The following SPAG16 variants were observed in gnomAD, a reference collection of about 807,000 sequenced individuals.
SPAG16 encodes sperm-associated antigen 16 protein.
Under a neutral mutation model 80.4 loss-of-function variants are expected in SPAG16, and 86 were observed. The observed-to-expected ratio is 1.07, with a 90% CI of 0.90 to 1.28. SPAG16 has a LOEUF of 1.28. Ranked by LOEUF, SPAG16 falls within the 50% of genes most tolerant of loss-of-function variation. The pLI, the probability that SPAG16 is intolerant of heterozygous loss-of-function variation, is 0.00. For synonymous variants in SPAG16, 294 were observed against 265.9 expected, an observed-to-expected ratio of 1.11 and a Z score of -1.03; for missense variants, 870 against 765.3, an observed-to-expected ratio of 1.14 and a Z score of -1.61.
At chr2:214,037,680 A>G (rs911451454) in intron 13 of SPAG16, among the ~76,000 whole-genome samples, 1 of 152,086 alleles carries the variant, frequency 6.6e-6, no homozygotes, top group Non-Finnish European at 1.5e-5. Context: ...TTTGCTTTAT[A>G]AAAGTGTCTA....
chr2:213,426,754 GGTGTGTGTGTGTGTGTGT>G (rs148203065), intron 9 of SPAG16, among the ~76,000 whole-genome samples: 1 of 140,634 alleles, frequency 7.1e-6, no homozygotes, highest in Non-Finnish European at 1.6e-5. Context: ...GCATAAATCT[GGTGTGTGTGTGTGTGTGT>G]GTGTGTGTGT....
intron 10 of SPAG16, among the ~76,000 whole-genome samples, chr2:213,541,347 G>A (rs532328212): frequency 6.6e-6 from 1 of 152,290 alleles, no homozygotes; most frequent in East Asian, 1.9e-4. Flanking sequence ...GGCCATGCAC[G>A]GTGGCTCACA....
chr2:213,798,891 T>C (rs1031475353), intron 10 of SPAG16, among the ~76,000 whole-genome samples: 1 of 152,238 alleles, frequency 6.6e-6, no homozygotes, highest in Non-Finnish European at 1.5e-5. Context: ...AGATCATAAA[T>C]GTAAGAGTTT....
At chr2:213,534,164 G>T (rs894109976) in intron 10 of SPAG16, among the ~76,000 whole-genome samples, 1 of 151,796 alleles carries the variant, frequency 6.6e-6, no homozygotes, top group Non-Finnish European at 1.5e-5. Context: ...TTTTCTTATT[G>T]ATTTATAAGT....
At chr2:213,690,909 G>T (rs2064914433) in intron 10 of SPAG16, among the ~76,000 whole-genome samples, 1 of 152,216 alleles carries the variant, frequency 6.6e-6, no homozygotes, top group Non-Finnish European at 1.5e-5. Context: ...ACTGAGCTAT[G>T]CTACTGGCTT....
intron 10 of SPAG16, among the ~76,000 whole-genome samples, chr2:213,650,354 C>A (rs1381876838): frequency 2.0e-5 from 3 of 152,168 alleles, no homozygotes; most frequent in Non-Finnish European, 4.4e-5. Context: ...TATGACATAT[C>A]TCTCCTGCCT....
chr2:214,206,206 T>C (rs772162492), intron 15 of SPAG16, among the ~76,000 whole-genome samples: 15 of 152,080 alleles, frequency 9.9e-5, no homozygotes, highest in Non-Finnish European at 1.9e-4. Context: ...TGATATCTAT[T>C]GAACTTACAA....
intron 12 of SPAG16, among the ~76,000 whole-genome samples, chr2:213,947,287 CTG>C (rs901170798): frequency 2.0e-5 from 3 of 152,092 alleles, no homozygotes; most frequent in African/African-American, 7.2e-5. Context: ...TTTTTCTAGT[CTG>C]TGGTATTTTA....
At chr2:214,255,806 T>A (rs1217051607) in intron 15 of SPAG16, among the ~76,000 whole-genome samples, 1 of 151,996 alleles carries the variant, frequency 6.6e-6, no homozygotes, top group Non-Finnish European at 1.5e-5. Flanking sequence ...AGTTTATCCC[T>A]TATTTCTGAG....
rs564479093 is a variant in SPAG16 at position 213,756,098 on chromosome 2, T to A, written c.1071-106387T>A. On this transcript the variant is annotated intron_variant, in intron 10 of 15. Coordinates refer to ENST00000331683, the MANE Select transcript of SPAG16 (RefSeq NM_024532.5). ...CCTCAGATATCAGTCAGAGTGAACATAACAAATCAAAGTAGTGTCCTTCCA... is the reference window on the plus strand; with the variant it reads ...CCTCAGATATCAGTCAGAGTGAACAAAACAAATCAAAGTAGTGTCCTTCCA... Among the ~76,000 whole-genome samples the A allele has an allele frequency of 1.2e-4, 19 of 152,180 alleles. 1 individual carries two copies. The South Asian group carries it at 3.9e-3, about 32-fold the overall frequency.
At chr2:213,990,327 C>T (rs2046215117) in intron 12 of SPAG16, among the ~76,000 whole-genome samples, 1 of 132,592 alleles carries the variant, frequency 7.5e-6, no homozygotes, top group African/African-American at 3.0e-5. Context: ...AAATTAATCA[C>T]TTTTTTGCAA....
chr2:213,780,815 G>C (rs775676808), intron 10 of SPAG16, among the ~76,000 whole-genome samples: 18 of 151,780 alleles, frequency 1.2e-4, no homozygotes, highest in Non-Finnish European at 2.4e-4. Context: ...TAAATACTTG[G>C]CTATCTATAA....
In SPAG16 at chr2:213,833,530, AT is replaced by A. The variant is rs1161447317; in HGVS notation, c.1071-28953del. Among the ~76,000 whole-genome samples the A allele has an allele frequency of 0.044, 80 of 1,802 alleles. 31 individuals carry two copies. In the East Asian group the frequency reaches 0.52, roughly 12 times the overall value. The allele number at this position is 1,802 out of a possible 152,430, so 1.2% of individuals were successfully genotyped here. The stretch of plus-strand genomic sequence containing the variant: ...TATATATAATATATATAATATATAT[AT>A]TATATATAATATATATAATATATAT... On this transcript the variant is annotated intron_variant, in intron 10 of 15. Transcript: ENST00000331683.
intron 15 of SPAG16, among the ~76,000 whole-genome samples, chr2:214,186,059 A>G (rs1319635156): frequency 6.6e-6 from 1 of 152,190 alleles, no homozygotes; most frequent in Non-Finnish European, 1.5e-5. Context: ...TTCAAAAAAT[A>G]AAAGTTGAAT....
At position 214,277,020 on chromosome 2, in the gene SPAG16, G is replaced by A. The variant is rs888019855; in HGVS notation, c.1720+127754G>A. On this transcript the variant is annotated intron_variant, in intron 15 of 15. Transcript: ENST00000331683. ...TTACTCTGTTTTCTCTAAACTTCTC[G>A]CTTTATTTCATTAATTTGATCTTCA... Among the ~76,000 whole-genome samples the A allele has an allele frequency of 7.3e-5, 11 of 150,284 alleles. No individual in the cohort carries two copies. The South Asian group carries it at 1.7e-3, about 23-fold the overall frequency.
At chr2:214,330,646 C>G (rs1247399628) in intron 15 of SPAG16, among the ~76,000 whole-genome samples, 1 of 152,102 alleles carries the variant, frequency 6.6e-6, no homozygotes, top group African/African-American at 2.4e-5. Flanking sequence ...GGGTTTGAAA[C>G]TTTGACCCCT....
At chr2:213,297,206 A>G in intron 2 of SPAG16, 56 bp from the exon 3 acceptor site, 8 of 1,516,116 alleles carry the variant, frequency 5.3e-6, no homozygotes, top group Non-Finnish European at 7.2e-6. Context: ...GAAGTGAAAT[A>G]AAGTATTTTA....
intron 11 of SPAG16, among the ~76,000 whole-genome samples, chr2:213,883,057 G>C (rs1267063027): frequency 6.6e-6 from 1 of 151,906 alleles, no homozygotes; most frequent in South Asian, 2.1e-4. Flanking sequence ...TAGTAGAGAC[G>C]GGGTTTCACC....
chr2:213,804,345 G>T (rs2125647055), intron 10 of SPAG16, among the ~76,000 whole-genome samples: 1 of 152,282 alleles, frequency 6.6e-6, no homozygotes, highest in South Asian at 2.1e-4. Flanking sequence ...CTTTATCTCT[G>T]ACTAAGGATG....
Sources: gnomAD v4.1 joint callset for allele counts (sites outside exome capture counted in the v4.1 genomes callset) on GRCh38, gnomAD v4.1.1 for gene constraint, MANE v1.5 for transcripts, NCBI Gene and HGNC (gene_info 2026-07-23, HGNC 2026-07-21) for gene names.